Variants in NEDD4 observed in about 807,000 individuals in gnomAD.
The protein encoded by NEDD4 is NEDD4 E3 ubiquitin protein ligase.
In NEDD4, 99 loss-of-function variants were observed where a neutral mutation model predicts 144.9. The ratio of observed to expected loss-of-function variants is 0.68; its 90% CI spans 0.58 to 0.81. NEDD4 has a LOEUF of 0.81. NEDD4 is among the 30% of genes least tolerant of loss of function. NEDD4 has a pLI of 0.00. For synonymous variants in NEDD4, 318 were observed against 350.6 expected (o/e 0.91, Z 1.04); for missense variants, 985 against 1,065.9 (o/e 0.92, Z 1.06).
At chr15:55,900,097 A>C (rs2035866414) in intron 5 of NEDD4, among the ~76,000 whole-genome samples, 3 of 151,586 alleles carry the variant, frequency 2.0e-5, no homozygotes, top group Admixed American at 1.3e-4. Context: ...AGTTTGGCTC[A>C]TCATACCTAA....
At chr15:55,870,122 G>A (rs1199520718) in intron 7 of NEDD4, among the ~76,000 whole-genome samples, 1 of 152,172 alleles carries the variant, frequency 6.6e-6, no homozygotes, top group Non-Finnish European at 1.5e-5. Context: ...TAGATTATAG[G>A]ACATGTAAAG....
chr15:55,946,986 T>A (rs1477311503), intron 4 of NEDD4, among the ~76,000 whole-genome samples: 2 of 152,086 alleles, frequency 1.3e-5, no homozygotes, highest in Non-Finnish European at 2.9e-5. Context: ...CATACCAGAA[T>A]CTCTGGGACA....
intron 4 of NEDD4, 36 bp downstream of exon 4, chr15:55,951,340 C>G (rs1286107461): frequency 1.2e-6 from 1 of 818,486 alleles, no homozygotes; most frequent in African/African-American, 1.8e-5. Context: ...AAAAAACTTA[C>G]TTTTTCCACT....
chr15:55,965,980 T>G (rs1435862181), intron 2 of NEDD4, among the ~76,000 whole-genome samples: 1 of 152,134 alleles, frequency 6.6e-6, no homozygotes, highest in African/African-American at 2.4e-5. Flanking sequence ...AACCAAAGTT[T>G]GGATTCTGCT....
chr15:55,982,667 A>C (rs1234215140), intron 1 of NEDD4, among the ~76,000 whole-genome samples: 1 of 152,218 alleles, frequency 6.6e-6, no homozygotes, highest in African/African-American at 2.4e-5. Context: ...CATTGGCTTT[A>C]CATGTTGAAA....
chr15:55,984,458 G>A (rs2037857272), intron 1 of NEDD4, among the ~76,000 whole-genome samples: 1 of 152,182 alleles, frequency 6.6e-6, no homozygotes, highest in Admixed American at 6.5e-5. Flanking sequence ...CTGGTGCCTG[G>A]CACAGAGTGG....
In NEDD4 at chr15:55,978,060, G is replaced by T. The variant is rs371836927; in HGVS notation, c.46-11514C>A. ...TTATAATTTATATGACCTTAACTGA[G>T]AAAAGAGATTACCATCTATCTCTAA... On this transcript the variant is annotated intron_variant, in intron 1 of 28. Transcript: ENST00000435532. Among the ~76,000 whole-genome samples the T allele has an allele frequency of 3.0e-4, 46 of 152,200 alleles. 5 individuals carry two copies. The highest frequency in any genetic ancestry group is 1.1e-3 in the African/African-American group (44 of 41,528).
At chr15:55,873,266 A>G (rs1595779439) in intron 6 of NEDD4, among the ~76,000 whole-genome samples, 1 of 152,142 alleles carries the variant, frequency 6.6e-6, no homozygotes, top group South Asian at 2.1e-4. Context: ...TGTTATCTGG[A>G]CAGTGATAAC....
rs2037281761 is a variant in NEDD4, at chr15:55,953,464, T to C, written c.120-1875A>G. The stretch of plus-strand genomic sequence containing the variant: ...TTCTTTTTTGTTTTTTTTTTTGAGA[T>C]GAAGTCTCACTCTGTAATCCAGGCT... On this transcript the variant is annotated intron_variant, in intron 2 of 28. Coordinates refer to ENST00000435532, the MANE Select transcript of NEDD4 (RefSeq NM_006154.4). 2.7e-5 allele frequency among the ~76,000 whole-genome samples: 4 copies of C among 150,318 alleles called. No homozygotes were observed. The South Asian group carries it at 8.4e-4, about 32-fold the overall frequency.
chr15:55,923,069 A>G (rs948861084), intron 5 of NEDD4, among the ~76,000 whole-genome samples: 1 of 151,868 alleles, frequency 6.6e-6, no homozygotes, highest in African/African-American at 2.4e-5. Context: ...CTGTAATCCC[A>G]GCTACTTGGA....
At chr15:55,879,635 A>G (rs964610419) in intron 5 of NEDD4, among the ~76,000 whole-genome samples, 4 of 152,202 alleles carry the variant, frequency 2.6e-5, no homozygotes, top group Non-Finnish European at 5.9e-5. Context: ...GTCAAATTGC[A>G]AGAAAAATAC....
rs761399958 is a variant in NEDD4, at chr15:55,860,677, T to C, written c.776A>G (p.Asn259Ser). Residue 259 changes from asparagine to serine, a missense_variant, in exon 10 of 29, where the codon AAC becomes AGC. Transcript: ENST00000435532. ...QISEETESVD[N>S]RESSENWEII... ...TACTTATACCTCGGAAGACTCTCGGTTGTCAACACTTTCTGTTTCCTCGGA... is the reference window on the plus strand; with the variant it reads ...TACTTATACCTCGGAAGACTCTCGGCTGTCAACACTTTCTGTTTCCTCGGA... 2.0e-5 allele frequency: 33 copies of C among 1,614,066 alleles called. No individual in the cohort carries two copies. In the Admixed American group the frequency reaches 5.3e-4, roughly 26 times the overall value.
At chr15:55,979,845 T>C (rs1372288070) in intron 1 of NEDD4, among the ~76,000 whole-genome samples, 6 of 152,166 alleles carry the variant, frequency 3.9e-5, no homozygotes, top group African/African-American at 1.4e-4. Context: ...ATAAACTTTA[T>C]GCCTTTCTCC....
chr15:55,989,489 G>A (rs1346836352), intron 1 of NEDD4, among the ~76,000 whole-genome samples: 1 of 152,036 alleles, frequency 6.6e-6, no homozygotes, highest in Non-Finnish European at 1.5e-5. Context: ...ACTGAGTAAG[G>A]GTCAGTTTCT....
intron 18 of NEDD4, 61 bp downstream of exon 18, chr15:55,846,908 T>C: frequency 9.5e-7 from 1 of 1,052,596 alleles, no homozygotes; most frequent in Middle Eastern, 2.7e-4. Context: ...AAAAAACATT[T>C]CCCATTACTT....
chr15:55,959,123 T>C (rs1374887261), intron 2 of NEDD4, among the ~76,000 whole-genome samples: 1 of 151,872 alleles, frequency 6.6e-6, no homozygotes, highest in African/African-American at 2.4e-5. Flanking sequence ...CATTCATTTA[T>C]ATCTTGCTCC....
At chr15:55,962,827 C>T (rs1362259642) in intron 2 of NEDD4, among the ~76,000 whole-genome samples, 1 of 151,192 alleles carries the variant, frequency 6.6e-6, no homozygotes, top group Admixed American at 6.6e-5. Flanking sequence ...AGCTCTTTTG[C>T]CCAGGCTGGA....
intron 5 of NEDD4, among the ~76,000 whole-genome samples, chr15:55,882,992 TG>T (rs1874359018): frequency 6.6e-6 from 1 of 152,296 alleles, no homozygotes; most frequent in African/African-American, 2.4e-5. Flanking sequence ...TAGAGACTCC[TG>T]CGTGGGAAGA....
In NEDD4 at chr15:55,848,818, T is replaced by C; in HGVS notation, c.1416A>G (p.Leu472=). ...TCTATACACTTACAGGTAAAGGCCC[T>C]AGATCATTGGAAGTATCAAGTGATG... ...GKTSLDTSND[L]GPLPPGWEER... Residue 472 remains leucine, a synonymous_variant, in exon 15 of 29, where the codon CTA becomes CTG. Coordinates refer to ENST00000435532, the MANE Select transcript of NEDD4 (RefSeq NM_006154.4). 1 of 1,613,534 alleles carries C rather than the reference T, an allele frequency of 6.2e-7. No homozygotes were observed. The highest frequency in any genetic ancestry group is 8.5e-7 in the Non-Finnish European group (1 of 1,179,572).
Sources: allele counts gnomAD v4.1 joint callset (sites outside exome capture counted in the v4.1 genomes callset), GRCh38; gene constraint gnomAD v4.1.1; transcripts MANE v1.5; gene names NCBI Gene and HGNC (gene_info 2026-07-23, HGNC 2026-07-21).